VPS13D: variants seen among roughly 807,000 people sequenced by gnomAD.
VPS13D encodes the protein intermembrane lipid transfer protein VPS13D.
VPS13D carries 187 observed loss-of-function variants against 461.9 expected under a neutral mutation model. The ratio of observed to expected loss-of-function variants is 0.40; its 90% CI spans 0.36 to 0.46. VPS13D has a LOEUF of 0.46. VPS13D is among the 20% of genes least tolerant of loss of function. VPS13D has a pLI of 0.60. For synonymous variants in VPS13D, 1,951 were observed against 1,986.3 expected, an observed-to-expected ratio of 0.98 and a Z score of 0.47; for missense variants, 4,711 against 5,364.9, an observed-to-expected ratio of 0.88 and a Z score of 3.81.
chr1:12,407,721 G>T (rs1032433419), intron 63 of VPS13D, among the ~76,000 whole-genome samples: 1 of 152,118 alleles, frequency 6.6e-6, no homozygotes, highest in African/African-American at 2.4e-5. Context: ...TTACTTAAGG[G>T]CCAGAATATT....
rs1254814880 is a variant in VPS13D at position 12,509,166 on chromosome 1, T to C, written c.*142T>C. 7 of 969,554 alleles carry C rather than the reference T, an allele frequency of 7.2e-6. No individual in the cohort carries two copies. The highest frequency in any genetic ancestry group is 1.0e-5 in the Non-Finnish European group (7 of 685,382). 60.1% of individuals were successfully genotyped at this position (969,554 alleles called of 1,614,324 possible). ...AGGAATGAGGGAAAGTAAATCCTCA[T>C]GAGGAAAAGTACAAATGGAAATCGT... is the stretch of plus-strand genomic sequence containing the variant. On this transcript the variant is annotated 3_prime_UTR_variant, in exon 70 of 70. Coordinates refer to ENST00000620676, the MANE Select transcript of VPS13D (RefSeq NM_015378.4).
At chr1:12,402,829 G>A (rs1476593940) in intron 62 of VPS13D, 2 of 152,138 alleles carry the variant, frequency 1.3e-5, no homozygotes, top group Non-Finnish European at 2.9e-5. Flanking sequence ...TTAGACTTTT[G>A]TAAAATCCTT....
intron 25 of VPS13D, among the ~76,000 whole-genome samples, chr1:12,303,763 T>G (rs1056979757): frequency 2.0e-5 from 3 of 152,224 alleles, no homozygotes; most frequent in African/African-American, 7.2e-5. Context: ...ACGGGAGCTG[T>G]GCAGACATGT....
rs1019715027 is a variant in VPS13D, at chr1:12,258,159, C to G, written c.1110+56C>G. On this transcript the variant is annotated intron_variant, in intron 10 of 69. Coordinates refer to ENST00000620676, the MANE Select transcript of VPS13D (RefSeq NM_015378.4). ...CTTATTCAGAAGATAAGAATGTTCT[C>G]TCAAAGACTAAAGAAAATGGGATCT... 4.3e-5 allele frequency: 68 copies of G among 1,588,614 alleles called. No individual in the cohort carries two copies. The Middle Eastern group carries it at 5.0e-4, about 12-fold the overall frequency.
chr1:12,356,657 C>T (rs932756349), intron 49 of VPS13D, 133 bp downstream of exon 49: 2 of 1,193,022 alleles, frequency 1.7e-6, no homozygotes, highest in Non-Finnish European at 2.2e-6. Flanking sequence ...GGAATAGAAC[C>T]ATGACCTAAT....
chr1:12,491,830 C>A (rs555401495), intron 67 of VPS13D, among the ~76,000 whole-genome samples: 54 of 152,340 alleles, frequency 3.5e-4, no homozygotes, highest in African/African-American at 1.3e-3. Flanking sequence ...GGAAGGACTG[C>A]TTCTTTCTAT....
chr1:12,286,045 C>T (rs1641967037), intron 21 of VPS13D, among the ~76,000 whole-genome samples: 1 of 149,856 alleles, frequency 6.7e-6, no homozygotes, highest in African/African-American at 2.5e-5. Flanking sequence ...CCCCTCCCTT[C>T]CCTTCCTTTC....
At chr1:12,470,882 C>G (rs141593496) in intron 67 of VPS13D, among the ~76,000 whole-genome samples, 1 of 152,224 alleles carries the variant, frequency 6.6e-6, no homozygotes, top group African/African-American at 2.4e-5. Flanking sequence ...CGTTACAGCT[C>G]CTTGAAAACA....
chr1:12,403,550 A>G (rs1644608275), intron 62 of VPS13D, among the ~76,000 whole-genome samples: 1 of 152,226 alleles, frequency 6.6e-6, no homozygotes, highest in South Asian at 2.1e-4. Flanking sequence ...TTCCATCTGG[A>G]TGATTTTTTC....
chr1:12,306,280 C>A (rs1642563006), intron 26 of VPS13D, among the ~76,000 whole-genome samples: 1 of 152,318 alleles, frequency 6.6e-6, no homozygotes, highest in Admixed American at 6.5e-5. Flanking sequence ...GGTAACCTGA[C>A]CTGCCCAAGG....
At chr1:12,316,815 C>T (rs2101515601) in intron 30 of VPS13D, among the ~76,000 whole-genome samples, 1 of 151,986 alleles carries the variant, frequency 6.6e-6, no homozygotes, top group South Asian at 2.1e-4. Flanking sequence ...CATTCAAGTG[C>T]TCCAGCCCCT....
At position 12,324,156 on chromosome 1, in the gene VPS13D, G is replaced by A. The variant is rs368677813; in HGVS notation, c.7990+376G>A. On this transcript the variant is annotated intron_variant, in intron 35 of 69. Coordinates refer to ENST00000620676, the MANE Select transcript of VPS13D (RefSeq NM_015378.4). ...ACTCCTGACTTCAAGTGATCTGCCC[G>A]CTTTGGCCTCCCAAAATGCCGGGAT... Among the ~76,000 whole-genome samples, 46 of 152,182 alleles carry A rather than the reference G, an allele frequency of 3.0e-4. 1 individual carries two copies. The South Asian group carries it at 9.1e-3, about 30-fold the overall frequency.
At chr1:12,464,776 C>T (rs1000859322) in intron 67 of VPS13D, among the ~76,000 whole-genome samples, 3 of 152,092 alleles carry the variant, frequency 2.0e-5, no homozygotes, top group African/African-American at 7.2e-5. Context: ...TGTTGTGGAC[C>T]AATATCCCCC....
Position 12,506,898 on chromosome 1 carries a change from C to G in VPS13D, c.12840C>G (p.Ser4280=). 6.2e-7 allele frequency: 1 copy of G among 1,614,270 alleles called. No individual in the cohort carries two copies. The highest frequency in any genetic ancestry group is 8.5e-7 in the Non-Finnish European group (1 of 1,180,048). The stretch of plus-strand genomic sequence containing the variant: ...TTGACAGCTACTGCGTGCTCATCTC[C>G]TCCAAAGCTGTTTACTTCCTGAAAA... ...ENIDSYCVLI[S]SKAVYFLKSG... The change falls in exon 69 of 70, where the codon TCC becomes TCG. Residue 4280 remains serine (S), a synonymous_variant. Transcript: ENST00000620676.
At chr1:12,433,931 T>TGA (rs374176072) in intron 65 of VPS13D, among the ~76,000 whole-genome samples, 253 of 126,514 alleles carry the variant, frequency 2.0e-3, no homozygotes, top group African/African-American at 3.8e-3. Context: ...AGAGAGAGAG[T>TGA]GAGAGAGAGA....
rs955902809 is a variant in VPS13D, at chr1:12,505,835, C to G, written c.12795-1018C>G. 6.6e-5 allele frequency among the ~76,000 whole-genome samples: 10 copies of G among 152,178 alleles called. No homozygotes were observed. Among genetic ancestry groups the G allele is most frequent in the South Asian group, 6.2e-4 (3 of 4,834 alleles). On this transcript the variant is annotated intron_variant, in intron 68 of 69. Transcript: ENST00000620676. This position sits in a 1 kb window ranked among gnomAD's most constrained non-coding sequence, Gnocchi z 4.2. ...AGCAGGTGTGCGTCCTGCACGGACC[C>G]CAAGTGAGCGAGGGCCCGGCAGCCT...
Position 12,276,365 on chromosome 1 carries a change from G to A in VPS13D, c.2777G>A (p.Ser926Asn). The A allele has an allele frequency of 6.2e-7, 1 of 1,614,178 alleles. No individual in the cohort carries two copies. The highest frequency in any genetic ancestry group is 1.1e-5 in the South Asian group (1 of 91,090). ...KIFPQEEQRG[S>N]LQDSVMNLTQ... ...TTTCCCCAGGAGGAGCAGCGGGGAAGTTTGCAAGACTCCGTAATGAATTTA... is the reference window on the plus strand; with the variant it reads ...TTTCCCCAGGAGGAGCAGCGGGGAAATTTGCAAGACTCCGTAATGAATTTA... Residue 926 changes from serine (S) to asparagine (N), a missense_variant, in exon 19 of 70, where the codon AGT (serine) becomes AAT (asparagine). Ser to Asn is a conservative substitution (Grantham distance 46). This residue lies in a region of VPS13D where 4,411 missense variants were observed against 4,937.8 expected (regional missense o/e 0.89). Transcript: ENST00000620676. The surrounding 1 kb of genome is among the most constrained non-coding windows in gnomAD (Gnocchi z 4.5).
At chr1:12,313,347 G>T (rs1642808043) in intron 29 of VPS13D, among the ~76,000 whole-genome samples, 1 of 119,392 alleles carries the variant, frequency 8.4e-6, no homozygotes, top group Non-Finnish European at 1.6e-5. Context: ...TCTCTCTGTT[G>T]CCCAGGCGGG....
chr1:12,375,603 A>T (rs116633270), intron 55 of VPS13D, among the ~76,000 whole-genome samples: 6,981 of 152,226 alleles, frequency 0.046, 236 homozygotes, highest in South Asian at 0.099. Context: ...CAGTTGTCCC[A>T]TGTCCTGTAT....
Sources: allele counts gnomAD v4.1 joint callset (sites outside exome capture counted in the v4.1 genomes callset), GRCh38; gene constraint gnomAD v4.1.1; regional missense constraint gnomAD v4.1.1; non-coding constraint Gnocchi (gnomAD v3.1); transcripts MANE v1.5; gene names NCBI Gene and HGNC (gene_info 2026-07-23, HGNC 2026-07-21).